The following ERBB4 variants were observed in gnomAD, a reference collection of about 807,000 sequenced individuals.
ERBB4 encodes the protein receptor tyrosine-protein kinase erbB-4.
In ERBB4, 42 loss-of-function variants were observed where a neutral mutation model predicts 158.0. The ratio of observed to expected loss-of-function variants is 0.27; its 90% CI spans 0.21 to 0.34. ERBB4 has a LOEUF of 0.34. Among genes scored for constraint, ERBB4 ranks in the 10% least tolerant of loss-of-function variants. The pLI is 1.00. For synonymous variants in ERBB4, 583 were observed against 558.7 expected (o/e 1.04, Z -0.61); for missense variants, 1,333 against 1,624.1 (o/e 0.82, Z 3.08).
chr2:212,107,494 C>T (rs1050622579), intron 2 of ERBB4, among the ~76,000 whole-genome samples: 3 of 152,124 alleles, frequency 2.0e-5, no homozygotes, highest in African/African-American at 7.2e-5. Flanking sequence ...TTTACAGGCT[C>T]ATAGGCAGAA....
intron 19 of ERBB4, among the ~76,000 whole-genome samples, chr2:211,586,876 A>C (rs1207238957): frequency 6.6e-6 from 1 of 152,172 alleles, no homozygotes; most frequent in African/African-American, 2.4e-5. Context: ...GATAATATTT[A>C]TCTGGTGCTG....
chr2:212,190,254 C>T (rs1429346246), intron 1 of ERBB4, among the ~76,000 whole-genome samples: 1 of 152,080 alleles, frequency 6.6e-6, no homozygotes, highest in South Asian at 2.1e-4. Context: ...GAAATGGGGG[C>T]AGCTGGGCGC....
chr2:211,788,172 A>G lies in ERBB4; in HGVS notation c.422-13T>C. On this transcript the variant is annotated splice_polypyrimidine_tract_variant and intron_variant, in intron 3 of 27. Coordinates refer to ENST00000342788, the MANE Select transcript of ERBB4 (RefSeq NM_005235.3). ...CCATTTAGGATTTCTGTATTAAAAAACAAATAAACAAATTTTTTGTCAAAC... is the reference window on the plus strand; with the variant it reads ...CCATTTAGGATTTCTGTATTAAAAAGCAAATAAACAAATTTTTTGTCAAAC... 1 of 1,605,366 alleles carries G rather than the reference A, an allele frequency of 6.2e-7. No homozygotes were observed. The highest frequency in any genetic ancestry group is 1.3e-5 in the African/African-American group (1 of 74,820).
chr2:212,431,306 T>TAA (rs35419362), intron 1 of ERBB4, among the ~76,000 whole-genome samples: 18,426 of 86,386 alleles, frequency 0.21, 2,339 homozygotes, highest in Non-Finnish European at 0.27. Flanking sequence ...CTGCTCATAT[T>TAA]AAAAAAAAAA....
chr2:212,021,389 C>A (rs376289354), intron 2 of ERBB4, among the ~76,000 whole-genome samples: 87 of 152,154 alleles, frequency 5.7e-4, no homozygotes, highest in African/African-American at 2.1e-3. Flanking sequence ...ACCAATGGAA[C>A]AGAATAGAGA....
chr2:212,446,597 A>G (rs1363537047), intron 1 of ERBB4, among the ~76,000 whole-genome samples: 5 of 17,198 alleles, frequency 2.9e-4, no homozygotes, highest in East Asian at 3.0e-3. Context: ...ATATGTATAT[A>G]TATATATATA....
intron 19 of ERBB4, among the ~76,000 whole-genome samples, chr2:211,597,052 C>G (rs1459974709): frequency 6.6e-6 from 1 of 152,156 alleles, no homozygotes; most frequent in Admixed American, 6.5e-5. Context: ...AAGCATGAGC[C>G]ACTGCATCCA....
intron 4 of ERBB4, among the ~76,000 whole-genome samples, chr2:211,780,015 TAC>T (rs1005739373): frequency 1.3e-5 from 2 of 152,028 alleles, no homozygotes; most frequent in East Asian, 1.9e-4. Context: ...TTTATAATTA[TAC>T]ACACACACAC....
chr2:212,311,239 C>T (rs1221045505), intron 1 of ERBB4, among the ~76,000 whole-genome samples: 2 of 149,956 alleles, frequency 1.3e-5, no homozygotes, highest in African/African-American at 4.9e-5. Context: ...ACAATATATG[C>T]CGGAATACTA....
At chr2:211,670,914 G>A (rs1376717597) in intron 14 of ERBB4, among the ~76,000 whole-genome samples, 1 of 152,126 alleles carries the variant, frequency 6.6e-6, no homozygotes, top group Non-Finnish European at 1.5e-5. Context: ...GCATACTGAA[G>A]GGACAGTTGT....
chr2:211,909,556 CA>C (rs765490575), intron 3 of ERBB4, among the ~76,000 whole-genome samples: 4 of 151,634 alleles, frequency 2.6e-5, no homozygotes, highest in Non-Finnish European at 5.9e-5. Flanking sequence ...AAGACAATGG[CA>C]AGTATTTGTG....
At chr2:212,228,894 A>G (rs1004732196) in intron 1 of ERBB4, among the ~76,000 whole-genome samples, 1 of 152,224 alleles carries the variant, frequency 6.6e-6, no homozygotes, top group African/African-American at 2.4e-5. Context: ...AACAAATTGG[A>G]TCAGCTAGGC....
chr2:212,416,923 C>A (rs1037349810), intron 1 of ERBB4, among the ~76,000 whole-genome samples: 1 of 152,056 alleles, frequency 6.6e-6, no homozygotes, highest in Non-Finnish European at 1.5e-5. Context: ...ATTTTCACTT[C>A]CTTTCATCCA....
intron 1 of ERBB4, among the ~76,000 whole-genome samples, chr2:212,276,941 G>C (rs1257457671): frequency 6.6e-6 from 1 of 151,768 alleles, no homozygotes; most frequent in African/African-American, 2.4e-5. Context: ...GACAGATGAA[G>C]AGAAACGGTG....
chr2:212,161,056 T>C (rs774445818), intron 1 of ERBB4, among the ~76,000 whole-genome samples: 7 of 151,974 alleles, frequency 4.6e-5, no homozygotes, highest in Non-Finnish European at 1.0e-4. Flanking sequence ...TAAATATTCA[T>C]AAATATGTCA....
In ERBB4 at chr2:211,722,433, T is replaced by C. The variant is rs1195028619; in HGVS notation, c.843A>G (p.Ala281=). The C allele has an allele frequency of 3.7e-6, 6 of 1,613,854 alleles. No individual in the cohort carries two copies. Among genetic ancestry groups the C allele is most frequent in the South Asian group, 2.2e-5 (2 of 91,088 alleles). ...CACAGAATGCTCCATATGTGTACTT[T>C]GCATTGAAATTGTGCTCCAGTTGAA... The part of the protein sequence containing the change: ...TTFQLEHNFN[A]KYTYGAFCVK... The change falls in exon 7 of 28, where the codon GCA becomes GCG. Residue 281 remains alanine, a synonymous_variant. Coordinates refer to ENST00000342788, the MANE Select transcript of ERBB4 (RefSeq NM_005235.3).
At chr2:211,989,442 C>T (rs2082016598) in intron 2 of ERBB4, among the ~76,000 whole-genome samples, 1 of 151,768 alleles carries the variant, frequency 6.6e-6, no homozygotes, top group African/African-American at 2.4e-5. Flanking sequence ...AAGATTCATC[C>T]TATGTTTCAA....
chr2:211,990,232 C>T (rs1015402049), intron 2 of ERBB4, among the ~76,000 whole-genome samples: 2 of 149,334 alleles, frequency 1.3e-5, no homozygotes, highest in African/African-American at 4.9e-5. Context: ...TTATAAAACA[C>T]GATAGAAATC....
chr2:211,727,226 G>A (rs2074296453), intron 5 of ERBB4, among the ~76,000 whole-genome samples: 1 of 152,104 alleles, frequency 6.6e-6, no homozygotes, highest in African/African-American at 2.4e-5. Context: ...GATGGAGTTA[G>A]TACCCACCTA....
Sources: allele counts gnomAD v4.1 joint callset (sites outside exome capture counted in the v4.1 genomes callset), GRCh38; gene constraint gnomAD v4.1.1; transcripts MANE v1.5; gene names NCBI Gene and HGNC (gene_info 2026-07-23, HGNC 2026-07-21).